The following EML6 variants were observed in gnomAD, a reference collection of about 807,000 sequenced individuals.
The protein encoded by EML6 is EMAP like 6.
Under a neutral mutation model 240.1 loss-of-function variants are expected in EML6, and 154 were observed. The observed-to-expected ratio is 0.64, with a 90% confidence interval of 0.56 to 0.73. The LOEUF (loss-of-function observed/expected upper bound fraction) is 0.73. EML6 is among the 30% of genes least tolerant of loss of function. The pLI is 0.00. For synonymous variants in EML6, 1,148 were observed against 899.0 expected (o/e 1.28, Z -4.95); for missense variants, 2,964 against 2,474.6 (o/e 1.20, Z -4.20).
chr2:54,885,497 G>C (rs1348914116), intron 17 of EML6, among the ~76,000 whole-genome samples: 3 of 152,040 alleles, frequency 2.0e-5, no homozygotes, highest in Non-Finnish European at 4.4e-5. Flanking sequence ...TGGTTATCTG[G>C]TTGATTTCTT....
chr2:54,941,979 C>T (rs960916097), intron 28 of EML6, among the ~76,000 whole-genome samples: 2 of 152,196 alleles, frequency 1.3e-5, no homozygotes, highest in African/African-American at 4.8e-5. Flanking sequence ...ATCTCCAAGG[C>T]CTATTGCTTA....
chr2:54,876,986 T>TG (rs1491506192), intron 16 of EML6, among the ~76,000 whole-genome samples: 1 of 81,988 alleles, frequency 1.2e-5, no homozygotes, highest in African/African-American at 7.0e-5. Flanking sequence ...CAAAAAAAAA[T>TG]TTTTTTTTTT....
intron 16 of EML6, among the ~76,000 whole-genome samples, chr2:54,874,732 G>A (rs1272905448): frequency 6.6e-6 from 1 of 152,154 alleles, no homozygotes; most frequent in East Asian, 1.9e-4. Context: ...AGGGTGTGGG[G>A]ACCTGTGGTG....
chr2:54,888,440 T>G (rs891464202), intron 17 of EML6, among the ~76,000 whole-genome samples: 1 of 152,232 alleles, frequency 6.6e-6, no homozygotes, highest in Admixed American at 6.5e-5. Context: ...TTGGGCTGAT[T>G]CTGCAGTTAC....
intron 2 of EML6, among the ~76,000 whole-genome samples, chr2:54,769,170 T>A (rs1368899768): frequency 6.6e-6 from 1 of 152,232 alleles, no homozygotes; most frequent in Non-Finnish European, 1.5e-5. Context: ...CCAGTCTGGC[T>A]GCAGTGTGCA....
chr2:54,962,747 A>C, intron 36 of EML6, 36 bp downstream of exon 36: 1 of 1,432,440 alleles, frequency 7.0e-7, no homozygotes, highest in Non-Finnish European at 9.2e-7. Flanking sequence ...GATGCCCACG[A>C]GTGGGCTGCG....
At chr2:54,886,965 G>T (rs536723618) in intron 17 of EML6, among the ~76,000 whole-genome samples, 1 of 152,146 alleles carries the variant, frequency 6.6e-6, no homozygotes, top group African/African-American at 2.4e-5. Flanking sequence ...AGCAATAGGG[G>T]TATATTATCT....
intron 2 of EML6, among the ~76,000 whole-genome samples, chr2:54,742,678 A>G (rs905526575): frequency 1.3e-5 from 2 of 152,186 alleles, no homozygotes; most frequent in African/African-American, 4.8e-5. Context: ...ATCTGATTCT[A>G]CCACTTCTTA....
intron 2 of EML6, among the ~76,000 whole-genome samples, chr2:54,790,526 C>T (rs1417626580): frequency 6.6e-6 from 1 of 152,098 alleles, no homozygotes; most frequent in East Asian, 1.9e-4. Flanking sequence ...ACCCATTTCA[C>T]GGCTGGAGGG....
intron 2 of EML6, among the ~76,000 whole-genome samples, chr2:54,726,251 A>G (rs903822158): frequency 1.3e-5 from 2 of 152,160 alleles, no homozygotes; most frequent in African/African-American, 4.8e-5. Flanking sequence ...TACCTTCCAA[A>G]CTTGTGTGTT....
At chr2:54,914,218 C>A (rs1673789548) in intron 25 of EML6, among the ~76,000 whole-genome samples, 1 of 152,132 alleles carries the variant, frequency 6.6e-6, no homozygotes, top group African/African-American at 2.4e-5. Context: ...AGTTGTCAAT[C>A]TGGTTTTACA....
intron 16 of EML6, among the ~76,000 whole-genome samples, chr2:54,878,799 TATA>T (rs1383190472): frequency 6.6e-6 from 1 of 152,226 alleles, no homozygotes; most frequent in Non-Finnish European, 1.5e-5. Flanking sequence ...ATGTTCATGA[TATA>T]ATAGATGAAG....
intron 3 of EML6, among the ~76,000 whole-genome samples, chr2:54,813,799 T>G (rs1484555370): frequency 1.3e-5 from 2 of 152,242 alleles, no homozygotes; most frequent in African/African-American, 4.8e-5. Context: ...CATCACCTCC[T>G]AATAATCCAC....
intron 2 of EML6, among the ~76,000 whole-genome samples, chr2:54,771,409 T>C (rs1188031861): frequency 6.6e-6 from 1 of 152,274 alleles, no homozygotes; most frequent in Non-Finnish European, 1.5e-5. Context: ...TCTTACACCG[T>C]GTCAGCAGTT....
At chr2:54,948,774 G>A (rs1352722420) in intron 28 of EML6, 108 bp from the exon 29 acceptor site, 3 of 784,946 alleles carry the variant, frequency 3.8e-6, no homozygotes, top group Non-Finnish European at 4.3e-6. Flanking sequence ...GGGCCTTTGA[G>A]GCGGGAGGAG....
intron 2 of EML6, among the ~76,000 whole-genome samples, chr2:54,739,793 ACT>A (rs2103640662): frequency 6.6e-6 from 1 of 152,292 alleles, no homozygotes; most frequent in Admixed American, 6.5e-5. Flanking sequence ...TATACCTGTC[ACT>A]CTGGCTACAG....
intron 32 of EML6, among the ~76,000 whole-genome samples, chr2:54,954,809 G>T (rs995968463): frequency 1.3e-5 from 2 of 152,156 alleles, no homozygotes; most frequent in African/African-American, 4.8e-5. Context: ...TCTCAGGTTG[G>T]GTACTGCCCT....
Position 54,724,148 on chromosome 2 carries a change from A to G in EML6, c.-514+371A>G, listed in dbSNP as rs1461092637. On this transcript the variant is annotated intron_variant, in intron 1 of 41. Coordinates refer to ENST00000356458, the MANE Select transcript of EML6 (RefSeq NM_001039753.4). The surrounding 1 kb of genome is among the most constrained non-coding windows in gnomAD (Gnocchi z 5.2). The stretch of plus-strand genomic sequence containing the variant: ...CTGCACTAGTGCCTCGTTTCTTCCG[A>G]GTAAGACAATCTTTCATGATGCGGA... Among the ~76,000 whole-genome samples, 1 of 151,970 alleles carries G rather than the reference A, an allele frequency of 6.6e-6. No homozygotes were observed. The highest frequency in any genetic ancestry group is 1.9e-4 in the East Asian group (1 of 5,138).
intron 11 of EML6, among the ~76,000 whole-genome samples, chr2:54,857,839 C>A (rs1410722337): frequency 6.6e-6 from 1 of 152,046 alleles, no homozygotes; most frequent in Admixed American, 6.6e-5. Context: ...GTACCCAGAG[C>A]AGAGTGAGTG....
Sources: gnomAD v4.1 joint callset for allele counts (sites outside exome capture counted in the v4.1 genomes callset) on GRCh38, gnomAD v4.1.1 for gene constraint, Gnocchi (gnomAD v3.1) non-coding constraint, MANE v1.5 for transcripts, NCBI Gene and HGNC (gene_info 2026-07-23, HGNC 2026-07-21) for gene names.